KBTBD2: variants seen among roughly 807,000 people sequenced by gnomAD.
KBTBD2 encodes the protein kelch repeat and BTB domain-containing protein 2.
KBTBD2 carries 17 observed loss-of-function variants against 57.1 expected under a neutral mutation model. The ratio of observed to expected loss-of-function variants is 0.30; its 90% confidence interval spans 0.20 to 0.45. The LOEUF is 0.45. KBTBD2 is among the 20% of genes least tolerant of loss of function. The pLI, the probability that KBTBD2 is intolerant of heterozygous loss-of-function variation, is 1.00. For synonymous variants in KBTBD2, 267 were observed against 262.7 expected (o/e 1.02, Z -0.16); for missense variants, 515 against 750.6 (o/e 0.69, Z 3.67).
chr7:32,875,813 G>A (rs1428294224), intron 2 of KBTBD2, among the ~76,000 whole-genome samples: 1 of 152,084 alleles, frequency 6.6e-6, no homozygotes, highest in Non-Finnish European at 1.5e-5. Flanking sequence ...TAGTATATGA[G>A]TCCGTTTATA....
intron 1 of KBTBD2, among the ~76,000 whole-genome samples, chr7:32,890,451 G>T (rs995478131): frequency 6.6e-6 from 1 of 152,130 alleles, no homozygotes; most frequent in African/African-American, 2.4e-5. Context: ...AATTACAAGA[G>T]ATCTAAGACC....
chr7:32,874,359 C>T (rs961616569), intron 3 of KBTBD2, among the ~76,000 whole-genome samples: 1 of 151,594 alleles, frequency 6.6e-6, no homozygotes, highest in African/African-American at 2.4e-5. Flanking sequence ...GAGATCGCGC[C>T]ACTAGACTCC....
In KBTBD2 at chr7:32,868,959, G is replaced by A. The variant is rs558954101; in HGVS notation, c.*386C>T. Reference sequence around the variant, plus strand: ...TTCCAGGACTTCAGAACAGAAGCACGGGAATGAAACACACATACTAAAATA... The same window carrying A: ...TTCCAGGACTTCAGAACAGAAGCACAGGAATGAAACACACATACTAAAATA... On this transcript the variant is annotated 3_prime_UTR_variant, in exon 4 of 4. Coordinates refer to ENST00000304056, the MANE Select transcript of KBTBD2 (RefSeq NM_015483.3). The A allele has an allele frequency of 1.9e-4, 30 of 160,526 alleles. 1 individual carries two copies. Among genetic ancestry groups the A allele is most frequent in the South Asian group, 7.1e-4 (4 of 5,638 alleles). 9.9% of individuals were successfully genotyped at this position (160,526 alleles called of 1,614,324 possible). A position where few individuals can be genotyped will look rare whatever the true frequency, so the allele number is the denominator to read the frequency against.
At chr7:32,883,687 T>C (rs1784498409) in intron 1 of KBTBD2, among the ~76,000 whole-genome samples, 1 of 152,254 alleles carries the variant, frequency 6.6e-6, no homozygotes, top group South Asian at 2.1e-4. Context: ...CCCAGATTAA[T>C]TCTCAGGTAT....
chr7:32,870,772 T>C lies in KBTBD2; in HGVS notation c.445A>G (p.Lys149Glu). 1.2e-6 allele frequency: 2 copies of C among 1,614,136 alleles called. No individual in the cohort carries two copies. The highest frequency in any genetic ancestry group is 1.7e-6 in the Non-Finnish European group (2 of 1,180,014). ...TCCACCATTCTTTTAGCACTCTGTT[T>C]TAATTCCTCACAACTGAAGAGATCA... ...FADLFSCEEL[K>E]QSAKRMVEHK... Residue 149 changes from lysine (K) to glutamate (E), a missense_variant, in exon 4 of 4, where the codon AAA becomes GAA. Lys to Glu is a moderately conservative substitution (Grantham distance 56). Transcript: ENST00000304056.
intron 2 of KBTBD2, among the ~76,000 whole-genome samples, chr7:32,877,215 C>T (rs1784336427): frequency 6.6e-6 from 1 of 151,990 alleles, no homozygotes; most frequent in Non-Finnish European, 1.5e-5. Context: ...GATGGGGTTT[C>T]ACCGTGTTAG....
At chr7:32,874,354 C>G (rs954084668) in intron 3 of KBTBD2, among the ~76,000 whole-genome samples, 1 of 151,562 alleles carries the variant, frequency 6.6e-6, no homozygotes, top group African/African-American at 2.4e-5. Flanking sequence ...GAGCTGAGAT[C>G]GCGCCACTAG....
At chr7:32,891,893 C>CCCGCCGCCG (rs1368264288), upstream of KBTBD2, 15 of 110,750 alleles carry the variant, frequency 1.4e-4, no homozygotes, top group African/African-American at 4.2e-4. Flanking sequence ...CCCCGCCGCC[C>CCCGCCGCCG]CCGCCCCCGC....
upstream of KBTBD2, chr7:32,892,128 G>C (rs1013457127): frequency 6.6e-6 from 1 of 152,088 alleles, no homozygotes; most frequent in Admixed American, 6.5e-5. Flanking sequence ...GGATGCCACC[G>C]GAAAGCCAAA....
rs181462079 is a variant in KBTBD2 at position 32,870,781 on chromosome 7, C to G, written c.436G>C (p.Glu146Gln). The change falls in exon 4 of 4, where the codon GAG becomes CAG. Residue 146 changes from glutamate to glutamine, a missense_variant. Physicochemically the swap from Glu to Gln is conservative, Grantham distance 29. Transcript: ENST00000304056. ...LLSFADLFSC[E>Q]ELKQSAKRMV... ...CTTTTAGCACTCTGTTTTAATTCCT[C>G]ACAACTGAAGAGATCAGCAAAACTC... The G allele has an allele frequency of 2.8e-5, 45 of 1,613,990 alleles. No homozygotes were observed. The East Asian group carries it at 5.1e-4, about 18-fold the overall frequency.
At chr7:32,873,050 T>C (rs771677795) in intron 3 of KBTBD2, among the ~76,000 whole-genome samples, 1 of 152,158 alleles carries the variant, frequency 6.6e-6, no homozygotes, top group South Asian at 2.1e-4. Flanking sequence ...ACTTAACAAA[T>C]ATCACGAACA....
At chr7:32,888,471 A>C (rs1228513485) in intron 1 of KBTBD2, among the ~76,000 whole-genome samples, 1 of 152,188 alleles carries the variant, frequency 6.6e-6, no homozygotes, top group African/African-American at 2.4e-5. Context: ...TGTCTGGAAA[A>C]GACCATTTGT....
Position 32,870,389 on chromosome 7 carries a change from T to G in KBTBD2, c.828A>C (p.Ser276=), listed in dbSNP as rs748685540. 13 of 1,613,504 alleles carry G rather than the reference T, an allele frequency of 8.1e-6. No homozygotes were observed. In the Admixed American group the frequency reaches 1.2e-4, roughly 14 times the overall value. ...AAGAGTAAAGACTACAAGGATTTTC[T>G]GAAGATGCTTCAATGAAAATCATCA... ...EEMMIFIEAS[S]ENPCSLYSSV... The change falls in exon 4 of 4, where the codon TCA becomes TCC. Residue 276 remains serine (S), a synonymous_variant. Transcript: ENST00000304056.
intron 1 of KBTBD2, chr7:32,891,244 C>G (rs1185082042): frequency 6.7e-6 from 1 of 149,928 alleles, no homozygotes; most frequent in Non-Finnish European, 1.5e-5. Flanking sequence ...CGCCCGGTGC[C>G]GGGGCCGGAA....
intron 2 of KBTBD2, among the ~76,000 whole-genome samples, chr7:32,876,886 G>C (rs894373623): frequency 3.9e-5 from 6 of 152,216 alleles, no homozygotes; most frequent in Middle Eastern, 6.8e-3. Flanking sequence ...GAACCCGGGA[G>C]GCAGAGGTTG....
At chr7:32,878,982 T>C (rs1255354050) in intron 2 of KBTBD2, among the ~76,000 whole-genome samples, 3 of 152,148 alleles carry the variant, frequency 2.0e-5, no homozygotes, top group South Asian at 2.1e-4. Context: ...CAAATGGTAA[T>C]AGTAAAGAGT....
chr7:32,885,065 A>G (rs1350227384), intron 1 of KBTBD2, among the ~76,000 whole-genome samples: 1 of 147,422 alleles, frequency 6.8e-6, no homozygotes, highest in Non-Finnish European at 1.5e-5. Context: ...TTTAAGAGAC[A>G]GGATTGTACT....
chr7:32,879,693 G>T lies in KBTBD2; in HGVS notation c.-89C>A. On this transcript the variant is annotated 5_prime_UTR_variant, in exon 2 of 4. Transcript: ENST00000304056. ...AAGTGAATACTTCAGAAATAAAGGAGAACCTACTTGCTGTTATCTGCAGCA... is the reference window on the plus strand; with the variant it reads ...AAGTGAATACTTCAGAAATAAAGGATAACCTACTTGCTGTTATCTGCAGCA... The T allele has an allele frequency of 9.7e-7, 1 of 1,035,180 alleles. No individual in the cohort carries two copies. The highest frequency in any genetic ancestry group is 1.4e-6 in the Non-Finnish European group (1 of 693,838). 64.1% of individuals were successfully genotyped at this position (1,035,180 alleles called of 1,614,324 possible).
chr7:32,884,519 G>A (rs528821566), intron 1 of KBTBD2, among the ~76,000 whole-genome samples: 6 of 151,630 alleles, frequency 4.0e-5, no homozygotes, highest in South Asian at 2.1e-4. Flanking sequence ...GTGAAACCCC[G>A]TCTCTACTAA....
Sources: gnomAD v4.1 joint callset for allele counts (sites outside exome capture counted in the v4.1 genomes callset) on GRCh38, gnomAD v4.1.1 for gene constraint, MANE v1.5 for transcripts, NCBI Gene and HGNC (gene_info 2026-07-23, HGNC 2026-07-21) for gene names.